Variants in FAM163A observed in about 807,000 individuals in gnomAD.
The protein encoded by FAM163A is family with sequence similarity 163 member A, also known as protein FAM163A.
A neutral mutation model predicts 12.0 loss-of-function variants in FAM163A; 7 were observed. The observed-to-expected ratio is 0.58, with a 90% CI of 0.33 to 1.10. The LOEUF (loss-of-function observed/expected upper bound fraction) is 1.10, where lower values mean the gene tolerates loss of function less well. FAM163A is among the 50% of genes least tolerant of loss of function. The pLI, the probability that FAM163A is intolerant of heterozygous loss-of-function variation, is 0.03. For missense variants in FAM163A, 202 were observed against 218.6 expected, an observed-to-expected ratio of 0.92 and a Z score of 0.48; for synonymous variants, 101 against 91.0, an observed-to-expected ratio of 1.11 and a Z score of -0.62.
chr1:179,812,416 G>A (rs549081958), intron 3 of FAM163A, among the ~76,000 whole-genome samples: 3 of 152,150 alleles, frequency 2.0e-5, no homozygotes, highest in African/African-American at 7.2e-5. Context: ...TGTTTTCCAG[G>A]AGGGTTTGAA....
Position 179,773,653 on chromosome 1 carries a change from A to G in FAM163A, c.-136+30230A>G, listed in dbSNP as rs561706454. Among the ~76,000 whole-genome samples the G allele has an allele frequency of 2.6e-5, 4 of 152,356 alleles. No homozygotes were observed. The South Asian group carries it at 8.3e-4, about 32-fold the overall frequency. The stretch of plus-strand genomic sequence containing the variant: ...CCGCTGTAAGCAGTCCAAGGTTCTT[A>G]GCATAATTAAGGCCTTCATGACCTA... On this transcript the variant is annotated intron_variant, in intron 1 of 4. Coordinates refer to ENST00000341785, the MANE Select transcript of FAM163A (RefSeq NM_173509.3).
chr1:179,788,200 C>T lies in FAM163A; in HGVS notation c.-135-19598C>T, dbSNP rs557484105. 2.0e-5 allele frequency among the ~76,000 whole-genome samples: 3 copies of T among 152,334 alleles called. No homozygotes were observed. In the South Asian group the frequency reaches 6.2e-4, roughly 32 times the overall value. On this transcript the variant is annotated intron_variant, in intron 1 of 4. Coordinates refer to ENST00000341785, the MANE Select transcript of FAM163A (RefSeq NM_173509.3). Reference sequence around the variant, plus strand: ...TTTCCCTGCTCCTCTAGTCTCCAGTCAAGCCAAGAGAATTCTTCTCCAGCC... The same window carrying T: ...TTTCCCTGCTCCTCTAGTCTCCAGTTAAGCCAAGAGAATTCTTCTCCAGCC...
chr1:179,761,839 A>G (rs1409266751), intron 1 of FAM163A, among the ~76,000 whole-genome samples: 1 of 150,914 alleles, frequency 6.6e-6, no homozygotes, highest in Non-Finnish European at 1.5e-5. Flanking sequence ...TTTTTTTTGC[A>G]TCAGCTATTG....
At chr1:179,782,823 C>G (rs1689983235) in intron 1 of FAM163A, among the ~76,000 whole-genome samples, 1 of 152,344 alleles carries the variant, frequency 6.6e-6, no homozygotes, top group East Asian at 1.9e-4. Context: ...GAGGCAATGT[C>G]AGCATTGCAA....
intron 1 of FAM163A, among the ~76,000 whole-genome samples, chr1:179,798,982 C>G (rs138788255): frequency 8.1e-4 from 123 of 152,310 alleles, no homozygotes; most frequent in Middle Eastern, 3.4e-3. Context: ...TTACAGCTAG[C>G]TCCCTCTGGC....
chr1:179,793,024 AAG>A (rs1557953944), intron 1 of FAM163A, among the ~76,000 whole-genome samples: 1 of 152,148 alleles, frequency 6.6e-6, no homozygotes, highest in Admixed American at 6.5e-5. Flanking sequence ...TGAAAAAAAA[AAG>A]GCATGGAATC....
At chr1:179,790,590 G>A (rs2148244341) in intron 1 of FAM163A, among the ~76,000 whole-genome samples, 1 of 152,220 alleles carries the variant, frequency 6.6e-6, no homozygotes, top group South Asian at 2.1e-4. Flanking sequence ...TCTCCCCTAA[G>A]AGATCAAACT....
At chr1:179,808,212 CTT>C (rs893177481) in intron 2 of FAM163A, among the ~76,000 whole-genome samples, 2 of 152,252 alleles carry the variant, frequency 1.3e-5, no homozygotes, top group Non-Finnish European at 2.9e-5. Flanking sequence ...TATCCTATGA[CTT>C]TAGGCAAATG....
chr1:179,763,631 C>A (rs1687101880), intron 1 of FAM163A, among the ~76,000 whole-genome samples: 1 of 152,078 alleles, frequency 6.6e-6, no homozygotes, highest in Non-Finnish European at 1.5e-5. Context: ...TCAGGAAAGA[C>A]CTGAAGATTT....
At chr1:179,811,139 A>G (rs1694650061) in intron 2 of FAM163A, among the ~76,000 whole-genome samples, 1 of 152,160 alleles carries the variant, frequency 6.6e-6, no homozygotes, top group Non-Finnish European at 1.5e-5. Flanking sequence ...GTAAGTGTGC[A>G]GGAACGTGGG....
rs1490356078 is a variant in FAM163A at position 179,815,857 on chromosome 1, A to C, written c.*1668A>C. The C allele has an allele frequency of 6.6e-6, 1 of 151,144 alleles. No homozygotes were observed. The highest frequency in any genetic ancestry group is 1.5e-5 in the Non-Finnish European group (1 of 67,718). The allele number at this position is 151,144 out of a possible 1,614,324, so 9.4% of individuals were successfully genotyped here. On this transcript the variant is annotated 3_prime_UTR_variant, in exon 5 of 5. Transcript: ENST00000341785. ...ATGCACATCTTTTGCGCCACTATTA[A>C]GGCACCTGTCACCTTACATCTCAAT...
chr1:179,771,903 A>G (rs956770977), intron 1 of FAM163A, among the ~76,000 whole-genome samples: 7 of 151,824 alleles, frequency 4.6e-5, no homozygotes, highest in African/African-American at 1.5e-4. Flanking sequence ...TGGGCTTCTG[A>G]TTATCTGCTC....
At chr1:179,795,343 A>T (rs957196943) in intron 1 of FAM163A, among the ~76,000 whole-genome samples, 2 of 152,146 alleles carry the variant, frequency 1.3e-5, no homozygotes, top group Admixed American at 1.3e-4. Context: ...CCAAAAGTTC[A>T]TGTGCTGGAA....
intron 1 of FAM163A, among the ~76,000 whole-genome samples, chr1:179,788,565 T>C (rs1437495624): frequency 6.6e-6 from 1 of 152,192 alleles, no homozygotes; most frequent in Non-Finnish European, 1.5e-5. Context: ...TTGCGGATCC[T>C]AGCCCTGCCT....
At chr1:179,803,563 AT>A (rs201737900) in intron 1 of FAM163A, among the ~76,000 whole-genome samples, 3,332 of 148,966 alleles carry the variant, frequency 0.022, 70 homozygotes, top group African/African-American at 0.059. Flanking sequence ...TAAGGCCCCC[AT>A]TTTTTTTTTA....
chr1:179,782,099 G>T (rs1689849936), intron 1 of FAM163A, among the ~76,000 whole-genome samples: 1 of 152,182 alleles, frequency 6.6e-6, no homozygotes, highest in East Asian at 1.9e-4. Flanking sequence ...CTCCTTTGCA[G>T]CTGGCAGACA....
chr1:179,759,495 G>A (rs781416734), intron 1 of FAM163A, among the ~76,000 whole-genome samples: 1 of 152,160 alleles, frequency 6.6e-6, no homozygotes, highest in East Asian at 1.9e-4. Context: ...TAAGGGACAA[G>A]AAGGAGCCAG....
chr1:179,744,506 G>A (rs1479882455), intron 1 of FAM163A, among the ~76,000 whole-genome samples: 1 of 152,194 alleles, frequency 6.6e-6, no homozygotes, highest in African/African-American at 2.4e-5. Flanking sequence ...CGAAGGCCGC[G>A]AGGGAAGTCA....
At chr1:179,763,693 C>A (rs1398851123) in intron 1 of FAM163A, among the ~76,000 whole-genome samples, 3 of 152,170 alleles carry the variant, frequency 2.0e-5, no homozygotes, top group African/African-American at 7.2e-5. Flanking sequence ...ATAAGCTCAG[C>A]CTGAGAGGAG....
Sources: gnomAD v4.1 joint callset for allele counts (sites outside exome capture counted in the v4.1 genomes callset) on GRCh38, gnomAD v4.1.1 for gene constraint, MANE v1.5 for transcripts, NCBI Gene and HGNC (gene_info 2026-07-23, HGNC 2026-07-21) for gene names.